Variants in NEMP2 observed in about 807,000 individuals in gnomAD.
NEMP2 encodes UPF0571 transmembrane protein.
NEMP2 carries 53 observed loss-of-function variants against 54.2 expected under a neutral mutation model. The ratio of observed to expected loss-of-function variants is 0.98; its 90% CI spans 0.78 to 1.23. The LOEUF is 1.23. Ranked by LOEUF, NEMP2 falls within the 50% of genes most tolerant of loss-of-function variation. The pLI, the probability that NEMP2 is intolerant of heterozygous loss-of-function variation, is 0.00. For synonymous variants in NEMP2, 197 were observed against 190.3 expected, an observed-to-expected ratio of 1.04 and a Z score of -0.29; for missense variants, 455 against 511.3, an observed-to-expected ratio of 0.89 and a Z score of 1.06.
At chr2:190,551,083 C>CT in the NEMP2 span, among the ~76,000 whole-genome samples, 294 of 140,242 alleles carry the variant, frequency 2.1e-3, 1 homozygote, top group Middle Eastern at 3.7e-3. Flanking sequence ...AGCCAATGGA[C>CT]TTTTTTTTTT....
the NEMP2 span, among the ~76,000 whole-genome samples, chr2:190,617,620 G>A: frequency 6.6e-6 from 1 of 152,112 alleles, no homozygotes; most frequent in African/African-American, 2.4e-5. This position sits in a 1 kb window ranked among gnomAD's most constrained non-coding sequence, Gnocchi z 5.0. Flanking sequence ...TTCATTTCTT[G>A]CTCCAACCCT....
chr2:190,472,446 G>A, the NEMP2 span, among the ~76,000 whole-genome samples: 31 of 152,328 alleles, frequency 2.0e-4, no homozygotes, highest in African/African-American at 6.7e-4. Context: ...AAATGCACAA[G>A]CCTTAGTAGC....
the NEMP2 span, among the ~76,000 whole-genome samples, chr2:190,432,929 C>G: frequency 6.6e-6 from 1 of 151,834 alleles, no homozygotes; most frequent in Non-Finnish European, 1.5e-5. Flanking sequence ...AACTCATGAG[C>G]CTTTCAGGGA....
chr2:190,591,476 T>TGTGTGTGC, the NEMP2 span, among the ~76,000 whole-genome samples: 4 of 152,092 alleles, frequency 2.6e-5, no homozygotes, highest in Admixed American at 2.6e-4. This position sits in a 1 kb window ranked among gnomAD's most constrained non-coding sequence, Gnocchi z 5.4. Flanking sequence ...TTGCTCTGCG[T>TGTGTGTGC]GTGTGTGCGT....
At chr2:190,572,536 C>G in the NEMP2 span, among the ~76,000 whole-genome samples, 3 of 152,098 alleles carry the variant, frequency 2.0e-5, 1 homozygote, top group South Asian at 6.2e-4. Flanking sequence ...GGTAGGAACT[C>G]TATTACTAAG....
rs181060834 is a variant in NEMP2 at position 190,510,785 on chromosome 2, G to A, written c.954-248C>T. On this transcript the variant is annotated intron_variant, in intron 7 of 8. Coordinates refer to ENST00000409150, the MANE Select transcript of NEMP2 (RefSeq NM_001142645.2). The surrounding 1 kb of genome is among the most constrained non-coding windows in gnomAD (Gnocchi z 5.7). Reference sequence around the variant, plus strand: ...AGTCCCAGCTACTTGGGAGGCTGAGGCAGGAGAATGGCGTGAACCTGGGAG... The same window carrying A: ...AGTCCCAGCTACTTGGGAGGCTGAGACAGGAGAATGGCGTGAACCTGGGAG... Among the ~76,000 whole-genome samples, 200 of 151,922 alleles carry A rather than the reference G, an allele frequency of 1.3e-3. No homozygotes were observed. Among genetic ancestry groups the A allele is most frequent in the African/African-American group, 4.5e-3 (186 of 41,408 alleles).
chr2:190,537,062 A>C (rs1472160170), upstream of NEMP2, among the ~76,000 whole-genome samples: 1 of 152,226 alleles, frequency 6.6e-6, no homozygotes. Context: ...GAAATGACCC[A>C]TATATTGGGC....
the NEMP2 span, chr2:190,629,669 T>C: frequency 6.6e-6 from 1 of 152,326 alleles, no homozygotes; most frequent in South Asian, 2.1e-4. Flanking sequence ...CTCATCTTGT[T>C]TGAGCCCTAA....
Position 190,518,953 on chromosome 2 carries a change from G to A in NEMP2, c.444C>T (p.Asn148=), listed in dbSNP as rs546062339. Residue 148 remains asparagine, a splice_region_variant and synonymous_variant, in exon 3 of 9, where the codon AAC becomes AAT. Coordinates refer to ENST00000409150, the MANE Select transcript of NEMP2 (RefSeq NM_001142645.2). ...CAAGTATAATAAAATCGGACTTACT[G>A]TTTCGATTCACATGTATCATATAGT... ...IFNYMIHVNR[N]IMDFKLFLVF... 24 of 1,547,412 alleles carry A rather than the reference G, an allele frequency of 1.6e-5. No individual in the cohort carries two copies. The African/African-American group carries it at 2.9e-4, about 19-fold the overall frequency.
At chr2:190,556,231 A>G in the NEMP2 span, among the ~76,000 whole-genome samples, 1 of 152,226 alleles carries the variant, frequency 6.6e-6, no homozygotes, top group African/African-American at 2.4e-5. Flanking sequence ...CAAAAACCAC[A>G]TGATTATCTC....
chr2:190,430,922 G>A, the NEMP2 span, among the ~76,000 whole-genome samples: 1 of 151,738 alleles, frequency 6.6e-6, no homozygotes, highest in Non-Finnish European at 1.5e-5. Context: ...GTGGCTGCCG[G>A]GCGGAGGGGC....
the NEMP2 span, among the ~76,000 whole-genome samples, chr2:190,647,766 G>A: frequency 4.4e-4 from 63 of 142,010 alleles, no homozygotes; most frequent in African/African-American, 1.4e-3. Context: ...CCAAGCTGGA[G>A]TGCAATGGCA....
Position 190,523,690 on chromosome 2 carries a change from T to C in NEMP2, c.213+1573A>G, listed in dbSNP as rs1690832056. On this transcript the variant is annotated intron_variant, in intron 2 of 8. Coordinates refer to ENST00000409150, the MANE Select transcript of NEMP2 (RefSeq NM_001142645.2). This position sits in a 1 kb window ranked among gnomAD's most constrained non-coding sequence, Gnocchi z 5.3. ...TCTTGTTTGTTAGAAAGTAAAGTAG[T>C]GCTCAAAAATGCTAGGCACATGGCA... Among the ~76,000 whole-genome samples the C allele has an allele frequency of 6.6e-6, 1 of 152,200 alleles. No homozygotes were observed. The highest frequency in any genetic ancestry group is 2.1e-4 in the South Asian group (1 of 4,832).
At chr2:190,605,918 A>G in the NEMP2 span, among the ~76,000 whole-genome samples, 1 of 152,184 alleles carries the variant, frequency 6.6e-6, no homozygotes, top group Non-Finnish European at 1.5e-5. Flanking sequence ...GGCCCCACTA[A>G]AGTGAGAACT....
chr2:190,555,367 C>T, the NEMP2 span, among the ~76,000 whole-genome samples: 11 of 152,116 alleles, frequency 7.2e-5, no homozygotes, highest in South Asian at 1.5e-3. This position sits in a 1 kb window ranked among gnomAD's most constrained non-coding sequence, Gnocchi z 4.8. Flanking sequence ...TAATAACAAA[C>T]TCCTTCGAGC....
At chr2:190,567,437 C>G in the NEMP2 span, among the ~76,000 whole-genome samples, 1 of 151,588 alleles carries the variant, frequency 6.6e-6, no homozygotes, top group Non-Finnish European at 1.5e-5. This position sits in a 1 kb window ranked among gnomAD's most constrained non-coding sequence, Gnocchi z 4.0. Flanking sequence ...CTCAACACAA[C>G]AAATAAAAAA....
chr2:190,463,828 A>G, the NEMP2 span: 4 of 948,698 alleles, frequency 4.2e-6, no homozygotes, highest in Non-Finnish European at 3.8e-6. This position sits in a 1 kb window ranked among gnomAD's most constrained non-coding sequence, Gnocchi z 4.4. Flanking sequence ...TCAAAAATAA[A>G]TAAATAAATA....
chr2:190,615,584 A>G, the NEMP2 span, among the ~76,000 whole-genome samples: 1 of 152,190 alleles, frequency 6.6e-6, no homozygotes, highest in African/African-American at 2.4e-5. The surrounding 1 kb of genome is among the most constrained non-coding windows in gnomAD (Gnocchi z 4.7). Flanking sequence ...GGCATGATTG[A>G]TAAATCACTG....
At chr2:190,434,460 G>T in the NEMP2 span, among the ~76,000 whole-genome samples, 1 of 151,704 alleles carries the variant, frequency 6.6e-6, no homozygotes, top group Non-Finnish European at 1.5e-5. This position sits in a 1 kb window ranked among gnomAD's most constrained non-coding sequence, Gnocchi z 4.3. Context: ...TTTTTGAGAC[G>T]GAGTCTCGCT....
Sources: allele counts gnomAD v4.1 joint callset (sites outside exome capture counted in the v4.1 genomes callset), GRCh38; gene constraint gnomAD v4.1.1; non-coding constraint Gnocchi (gnomAD v3.1); transcripts MANE v1.5; gene names NCBI Gene and HGNC (gene_info 2026-07-23, HGNC 2026-07-21).